HOXC6: variants seen among roughly 807,000 people sequenced by gnomAD.
HOXC6 encodes the protein homeobox C6, also known as homeobox protein Hox-C6.
A neutral mutation model predicts 24.0 loss-of-function variants in HOXC6; 10 were observed. That is an observed-to-expected ratio of 0.42 (90% confidence interval 0.26 to 0.71). The LOEUF (loss-of-function observed/expected upper bound fraction) is 0.71. Ranked by LOEUF, HOXC6 falls within the 30% of genes least tolerant of loss-of-function variation. The pLI, the probability that HOXC6 is intolerant of heterozygous loss-of-function variation, is 0.28. For missense variants in HOXC6, 258 were observed against 303.4 expected (o/e 0.85, Z 1.11); for synonymous variants, 123 against 128.1 (o/e 0.96, Z 0.27).
At position 54,030,598 on chromosome 12, in the gene HOXC6, A is replaced by T. The variant is rs1476971714; in HGVS notation, c.*636A>T. On this transcript the variant is annotated 3_prime_UTR_variant, in exon 2 of 2. Transcript: ENST00000243108. ...TTTTAGCTGTATTTGTGGTCTCTGT[A>T]TTTATATTTATGTTTAGCACCGTCA... The T allele has an allele frequency of 4.6e-5, 7 of 152,630 alleles. No individual in the cohort carries two copies. Among genetic ancestry groups the T allele is most frequent in the Admixed American group, 4.6e-4 (7 of 15,286 alleles). 9.5% of individuals were successfully genotyped at this position (152,630 alleles called of 1,614,324 possible). A position where few individuals can be genotyped will look rare whatever the true frequency, so the allele number is the denominator to read the frequency against.
intron 1 of HOXC6, chr12:54,020,801 A>G (rs1940400089): frequency 6.6e-6 from 1 of 152,144 alleles, no homozygotes. Context: ...CCAGTAACCA[A>G]TGGATGCCAT....
chr12:54,019,649 C>T (rs941521261), intron 1 of HOXC6, among the ~76,000 whole-genome samples: 1 of 151,978 alleles, frequency 6.6e-6, no homozygotes, highest in Non-Finnish European at 1.5e-5. Flanking sequence ...TGGAGATTCA[C>T]CTAGAATATT....
chr12:54,022,382 C>T (rs1162853023), intron 1 of HOXC6: 1 of 152,172 alleles, frequency 6.6e-6, no homozygotes, highest in African/African-American at 2.4e-5. Context: ...CTATATGTCT[C>T]CAATCCTGCC....
chr12:54,030,158 C>A lies in HOXC6; in HGVS notation c.*196C>A. 1.9e-6 allele frequency: 1 copy of A among 538,220 alleles called. No homozygotes were observed. Among genetic ancestry groups the A allele is most frequent in the Admixed American group, 3.3e-5 (1 of 30,180 alleles). The allele number at this position is 538,220 out of a possible 1,614,324, so 33.3% of individuals were successfully genotyped here. ...CACCGCACAACTCTCTTTCACCACG[C>A]GCCTCCTCCTCCTCGCTCCCTTGCT... On this transcript the variant is annotated 3_prime_UTR_variant, in exon 2 of 2. Coordinates refer to ENST00000243108, the MANE Select transcript of HOXC6 (RefSeq NM_004503.4).
intron 1 of HOXC6, chr12:54,021,773 G>GTGGCA (rs1940456402): frequency 6.6e-6 from 1 of 152,370 alleles, no homozygotes; most frequent in Admixed American, 6.5e-5. Context: ...CTGCCACGGC[G>GTGGCA]CCGCAGCCGC....
chr12:54,025,945 C>A (rs192153782), upstream of HOXC6, among the ~76,000 whole-genome samples: 2 of 152,266 alleles, frequency 1.3e-5, no homozygotes, highest in South Asian at 2.1e-4. Context: ...TTCCCTCCCC[C>A]ACCCAGACAT....
chr12:54,022,362 G>C (rs1354403081), intron 1 of HOXC6: 1 of 152,130 alleles, frequency 6.6e-6, no homozygotes, highest in Non-Finnish European at 1.5e-5. Context: ...TTGCCCCTTT[G>C]CTAAAGATCC....
chr12:54,026,534 T>C (rs921741543), upstream of HOXC6, among the ~76,000 whole-genome samples: 4 of 152,218 alleles, frequency 2.6e-5, no homozygotes, highest in African/African-American at 9.6e-5. Flanking sequence ...GAAAGTGTGA[T>C]CTAGAAGGAG....
At chr12:54,018,944 T>TG (rs560356400) in intron 1 of HOXC6, among the ~76,000 whole-genome samples, 37 of 152,102 alleles carry the variant, frequency 2.4e-4, no homozygotes, top group African/African-American at 6.7e-4. Flanking sequence ...CCGTCGCCTG[T>TG]GGGGGGGCGG....
At chr12:54,024,420 C>T (rs550992068), upstream of HOXC6, among the ~76,000 whole-genome samples, 3 of 152,086 alleles carry the variant, frequency 2.0e-5, no homozygotes, top group Non-Finnish European at 2.9e-5. Flanking sequence ...TATCTGTGTG[C>T]GAGGGTTGGT....
At position 54,028,610 on chromosome 12, in the gene HOXC6, C is replaced by T. The variant is rs1199298214; in HGVS notation, c.89C>T (p.Ala30Val). 2 of 1,614,142 alleles carry T rather than the reference C, an allele frequency of 1.2e-6. No individual in the cohort carries two copies. Among genetic ancestry groups the T allele is most frequent in the Middle Eastern group, 1.6e-4 (1 of 6,062 alleles). ...CCCAACGTCGCCCTCAATTCCACCG[C>T]CTATGATCCAGTGAGGCATTTCTCG... ...VLPNVALNST[A>V]YDPVRHFSTY... is the part of the protein sequence containing the mutation. Residue 30 changes from alanine to valine, a missense_variant, in exon 1 of 2, where the codon GCC becomes GTC. Ala to Val is a moderately conservative substitution (Grantham distance 64). Transcript: ENST00000243108.
chr12:54,019,796 C>G (rs1017449494), intron 1 of HOXC6: 3 of 152,078 alleles, frequency 2.0e-5, no homozygotes, highest in African/African-American at 7.2e-5. Flanking sequence ...CTTAACAGCA[C>G]CATCCTGAGG....
At chr12:54,025,676 C>T (rs760012292), upstream of HOXC6, among the ~76,000 whole-genome samples, 17 of 152,240 alleles carry the variant, frequency 1.1e-4, no homozygotes, top group Non-Finnish European at 2.2e-4. Flanking sequence ...TATAAATCGG[C>T]GAGACCTTTC....
upstream of HOXC6, among the ~76,000 whole-genome samples, chr12:54,027,026 A>C (rs905552529): frequency 1.3e-5 from 2 of 151,122 alleles, no homozygotes; most frequent in Non-Finnish European, 2.9e-5. Flanking sequence ...CTTCTTTGTC[A>C]ACTCAAGGCA....
upstream of HOXC6, among the ~76,000 whole-genome samples, chr12:54,027,645 T>G (rs945785464): frequency 8.5e-5 from 13 of 152,304 alleles, no homozygotes; most frequent in Middle Eastern, 3.4e-3. Flanking sequence ...ATTGCATTTT[T>G]TATACATTTT....
chr12:54,017,828 C>G (rs754160677), intron 1 of HOXC6, among the ~76,000 whole-genome samples: 2 of 152,234 alleles, frequency 1.3e-5, no homozygotes, highest in African/African-American at 2.4e-5. Flanking sequence ...AACTTAGAGG[C>G]TGTGCCCATT....
At chr12:54,027,754 C>G (rs1049071240), upstream of HOXC6, among the ~76,000 whole-genome samples, 1 of 152,130 alleles carries the variant, frequency 6.6e-6, no homozygotes, top group East Asian at 1.9e-4. Context: ...GATGCGTGGC[C>G]CATTTGCCCA....
chr12:54,018,814 C>T (rs1317267793), intron 1 of HOXC6, among the ~76,000 whole-genome samples: 1 of 152,112 alleles, frequency 6.6e-6, no homozygotes, highest in African/African-American at 2.4e-5. Context: ...CCAGACTTAC[C>T]TTAATCTAAG....
intron 1 of HOXC6, chr12:54,020,492 C>T (rs1940388223): frequency 6.6e-6 from 1 of 152,172 alleles, no homozygotes; most frequent in African/African-American, 2.4e-5. Flanking sequence ...GAGAAGGCGA[C>T]CTTGTTGGGT....
Sources: allele counts gnomAD v4.1 joint callset (sites outside exome capture counted in the v4.1 genomes callset), GRCh38; gene constraint gnomAD v4.1.1; transcripts MANE v1.5; gene names NCBI Gene and HGNC (gene_info 2026-07-23, HGNC 2026-07-21).